THSD7A: variants seen among roughly 807,000 people sequenced by gnomAD.
THSD7A encodes the protein thrombospondin type-1 domain-containing protein 7A.
Under a neutral mutation model 231.3 loss-of-function variants are expected in THSD7A, and 96 were observed. The ratio of observed to expected loss-of-function variants is 0.41; its 90% confidence interval spans 0.35 to 0.49. The LOEUF (loss-of-function observed/expected upper bound fraction) is 0.49. THSD7A is among the 20% of genes least tolerant of loss of function. The pLI, the probability that THSD7A is intolerant of heterozygous loss-of-function variation, is 0.05. For missense variants in THSD7A, 2,290 were observed against 2,070.2 expected (o/e 1.11, Z -2.06); for synonymous variants, 940 against 743.3 (o/e 1.26, Z -4.30).
intron 23 of THSD7A, among the ~76,000 whole-genome samples, chr7:11,389,519 C>A (rs1261517535): frequency 7.2e-6 from 1 of 139,288 alleles, no homozygotes; most frequent in Non-Finnish European, 1.5e-5. Flanking sequence ...TGTGTCTTTG[C>A]ACGTGAGATG....
chr7:11,460,609 A>C, intron 11 of THSD7A, 53 bp downstream of exon 11: 7 of 1,443,052 alleles, frequency 4.9e-6, no homozygotes, highest in Non-Finnish European at 6.6e-6. Context: ...GCATCAAAAC[A>C]GTAGTTAAAC....
At chr7:11,719,709 T>C (rs973687583) in intron 1 of THSD7A, among the ~76,000 whole-genome samples, 1 of 151,674 alleles carries the variant, frequency 6.6e-6, no homozygotes, top group Admixed American at 6.6e-5. Context: ...TAATAAAATC[T>C]TTAACTTCAA....
At chr7:11,815,535 ATATTACATCATTCT>A (rs1200783056) in intron 1 of THSD7A, among the ~76,000 whole-genome samples, 1 of 152,132 alleles carries the variant, frequency 6.6e-6, no homozygotes, top group Non-Finnish European at 1.5e-5. Flanking sequence ...AAAAAATAAA[ATATTACATCATTCT>A]TATTAATAAA....
chr7:11,677,537 G>C (rs1270158197), intron 1 of THSD7A, among the ~76,000 whole-genome samples: 1 of 122,442 alleles, frequency 8.2e-6, no homozygotes, highest in Non-Finnish European at 1.6e-5. Flanking sequence ...GACACACATA[G>C]GCTCAAAATA....
At chr7:11,808,788 T>C (rs1044610222) in intron 1 of THSD7A, among the ~76,000 whole-genome samples, 2 of 152,084 alleles carry the variant, frequency 1.3e-5, no homozygotes, top group African/African-American at 4.8e-5. Context: ...AAGGACTGAA[T>C]TTTAAGGAAT....
At chr7:11,753,238 C>T (rs558552471) in intron 1 of THSD7A, among the ~76,000 whole-genome samples, 2 of 152,010 alleles carry the variant, frequency 1.3e-5, no homozygotes, top group Middle Eastern at 6.8e-3. Flanking sequence ...TATTGTTTTC[C>T]ACTGAATGTG....
chr7:11,830,193 G>A (rs546174778), intron 1 of THSD7A, among the ~76,000 whole-genome samples: 265 of 152,248 alleles, frequency 1.7e-3, no homozygotes, highest in Non-Finnish European at 3.4e-3. Flanking sequence ...CATTTATGAT[G>A]ACATATATTG....
In THSD7A at chr7:11,628,150, C is replaced by T. The variant is rs889958755; in HGVS notation, c.1022+7980G>A. Among the ~76,000 whole-genome samples the T allele has an allele frequency of 4.6e-5, 7 of 152,078 alleles. No individual in the cohort carries two copies. The East Asian group carries it at 5.8e-4, about 13-fold the overall frequency. ...ATAAATAAATAAACATACATTGGGGCGTGTTAAAAACCCTGTTACTAATAA... is the reference window on the plus strand; with the variant it reads ...ATAAATAAATAAACATACATTGGGGTGTGTTAAAAACCCTGTTACTAATAA... On this transcript the variant is annotated intron_variant, in intron 2 of 27. Coordinates refer to ENST00000423059, the MANE Select transcript of THSD7A (RefSeq NM_015204.3).
At chr7:11,583,274 A>G (rs975339111) in intron 4 of THSD7A, among the ~76,000 whole-genome samples, 1 of 151,630 alleles carries the variant, frequency 6.6e-6, no homozygotes, top group Admixed American at 6.6e-5. Flanking sequence ...TATGGTCTCT[A>G]TGTGATTTTT....
intron 12 of THSD7A, among the ~76,000 whole-genome samples, chr7:11,447,020 A>G (rs1170549315): frequency 6.6e-6 from 1 of 152,134 alleles, no homozygotes; most frequent in Admixed American, 6.6e-5. Context: ...TGCATATTAT[A>G]TAGGGAGTCA....
At chr7:11,448,803 C>A (rs1266097450) in intron 11 of THSD7A, among the ~76,000 whole-genome samples, 2 of 152,070 alleles carry the variant, frequency 1.3e-5, no homozygotes, top group African/African-American at 2.4e-5. Context: ...TGTGGATGCA[C>A]TTCCCTATTT....
At chr7:11,552,484 T>C (rs967882395) in intron 4 of THSD7A, among the ~76,000 whole-genome samples, 8 of 152,082 alleles carry the variant, frequency 5.3e-5, no homozygotes, top group African/African-American at 1.7e-4. Flanking sequence ...CCACAAAATT[T>C]TGAGCTACAA....
intron 1 of THSD7A, among the ~76,000 whole-genome samples, chr7:11,769,976 T>C (rs975605019): frequency 6.6e-6 from 1 of 152,128 alleles, no homozygotes; most frequent in Non-Finnish European, 1.5e-5. Context: ...CTTGTCACTA[T>C]GGCATTTGTC....
At chr7:11,472,402 AT>A (rs1274172258) in intron 8 of THSD7A, among the ~76,000 whole-genome samples, 1 of 152,134 alleles carries the variant, frequency 6.6e-6, no homozygotes, top group South Asian at 2.1e-4. Context: ...TTCAATTTGC[AT>A]TTTTTGGTTC....
At chr7:11,387,405 T>A (rs571059885) in intron 23 of THSD7A, among the ~76,000 whole-genome samples, 207 of 152,326 alleles carry the variant, frequency 1.4e-3, no homozygotes, top group African/African-American at 4.7e-3. Flanking sequence ...TGGTTTGTAG[T>A]TCTCCTTGAA....
At chr7:11,764,441 C>T (rs1039320807) in intron 1 of THSD7A, among the ~76,000 whole-genome samples, 4 of 151,854 alleles carry the variant, frequency 2.6e-5, no homozygotes, top group East Asian at 2.0e-4. Context: ...ATTAGCCAGG[C>T]GTGGTGGCAG....
intron 2 of THSD7A, among the ~76,000 whole-genome samples, chr7:11,614,047 A>T (rs1039630584): frequency 1.3e-5 from 2 of 152,198 alleles, no homozygotes; most frequent in Non-Finnish European, 2.9e-5. Context: ...TGGTCAAAAG[A>T]ATTTTCAGTT....
intron 1 of THSD7A, among the ~76,000 whole-genome samples, chr7:11,821,729 A>G (rs1784881729): frequency 6.6e-6 from 1 of 152,030 alleles, no homozygotes; most frequent in African/African-American, 2.4e-5. Flanking sequence ...CTACAAAATT[A>G]CCCTACTGCA....
chr7:11,447,264 A>AC lies in THSD7A; in HGVS notation c.2765dup (p.Cys922TrpfsTer5), dbSNP rs1785000899. The AC allele has an allele frequency of 6.2e-7, 1 of 1,613,112 alleles. No individual in the cohort carries two copies. Among genetic ancestry groups the AC allele is most frequent in the Non-Finnish European group, 8.5e-7 (1 of 1,179,450 alleles). ...TGCGCTTTCTGGTCCTAACTGCACCACAGTCTCCATTGCATGAAGAAAACT... is the reference window on the plus strand; with the variant it reads ...TGCGCTTTCTGGTCCTAACTGCACCACCAGTCTCCATTGCATGAAGAAAACT... On this transcript the variant is annotated frameshift_variant, in exon 12 of 28. Coordinates refer to ENST00000423059, the MANE Select transcript of THSD7A (RefSeq NM_015204.3). LOFTEE classifies it high-confidence loss of function.
Sources: allele counts gnomAD v4.1 joint callset (sites outside exome capture counted in the v4.1 genomes callset), GRCh38; gene constraint gnomAD v4.1.1; transcripts MANE v1.5; gene names NCBI Gene and HGNC (gene_info 2026-07-23, HGNC 2026-07-21).